TSEN2: variants seen among roughly 807,000 people sequenced by gnomAD.
TSEN2 encodes the protein tRNA-splicing endonuclease subunit Sen2.
In TSEN2, 54 loss-of-function variants were observed where a neutral mutation model predicts 59.2. The observed-to-expected ratio is 0.91, with a 90% CI of 0.73 to 1.14. TSEN2 has a LOEUF of 1.14. Among genes scored for constraint, TSEN2 ranks in the 50% most tolerant of loss-of-function variants. The probability of loss-of-function intolerance (pLI) is 0.00; values close to 1 mark genes in which losing one functional copy is unlikely to be tolerated. For missense variants in TSEN2, 636 were observed against 576.2 expected, an observed-to-expected ratio of 1.10 and a Z score of -1.06; for synonymous variants, 195 against 198.2, an observed-to-expected ratio of 0.98 and a Z score of 0.14.
rs2054464916 is a variant in TSEN2, at chr3:12,503,085, GAAAGA to G, written c.309-168_309-164del. Among the ~76,000 whole-genome samples, 2 of 151,296 alleles carry G rather than the reference GAAAGA, an allele frequency of 1.3e-5. 1 individual carries two copies. Among genetic ancestry groups the G allele is most frequent in the South Asian group, 4.1e-4 (2 of 4,820 alleles). ...ACTCCATCTCAAAAAAATAAAAAAAGAAAGAAAAGAAAATGCAGAAAAGTATAAAG... is the reference window on the plus strand; with the variant it reads ...ACTCCATCTCAAAAAAATAAAAAAAGAAAGAAAATGCAGAAAAGTATAAAG... On this transcript the variant is annotated intron_variant, in intron 4 of 11. Transcript: ENST00000284995.
chr3:12,483,718 T>C (rs2052311259), upstream of TSEN2, among the ~76,000 whole-genome samples: 2 of 152,232 alleles, frequency 1.3e-5, no homozygotes, highest in South Asian at 4.1e-4. Context: ...TTAGTCTGTG[T>C]GGTGGAACTC....
At chr3:12,498,597 A>G (rs186181414) in intron 4 of TSEN2, among the ~76,000 whole-genome samples, 1 of 152,334 alleles carries the variant, frequency 6.6e-6, no homozygotes, top group East Asian at 1.9e-4. Context: ...TTGAATTTAC[A>G]TTAACATAAC....
intron 9 of TSEN2, among the ~76,000 whole-genome samples, chr3:12,529,453 G>A (rs182378841): frequency 4.5e-5 from 6 of 133,028 alleles, no homozygotes; most frequent in South Asian, 2.2e-4. Flanking sequence ...GTGATAGAGC[G>A]AGACTCCGTC....
chr3:12,527,455 T>TC (rs2057175203), intron 8 of TSEN2, among the ~76,000 whole-genome samples: 1 of 150,922 alleles, frequency 6.6e-6, no homozygotes, highest in East Asian at 1.9e-4. Flanking sequence ...TTTTTTTTTT[T>TC]CTTTTTTTTT....
chr3:12,489,978 C>T lies in TSEN2; in HGVS notation c.178C>T (p.Leu60Phe), dbSNP rs201262790. The T allele has an allele frequency of 9.9e-6, 16 of 1,614,008 alleles. No homozygotes were observed. Among genetic ancestry groups the T allele is most frequent in the Non-Finnish European group, 1.2e-5 (14 of 1,180,008 alleles). ...GAGGAATGCGGAGGACATTGAGCAG[C>T]TCTATGGGAAAGTAAGTGCAGGCAG... Reference protein sequence around the residue: ...IVRNAEDIEQLYGKGYFGKGI... With the variant: ...IVRNAEDIEQFYGKGYFGKGI... The change falls in exon 2 of 12, where the codon CTC becomes TTC. Residue 60 changes from leucine to phenylalanine, a missense_variant. Coordinates refer to ENST00000284995, the MANE Select transcript of TSEN2 (RefSeq NM_025265.4).
intron 8 of TSEN2, among the ~76,000 whole-genome samples, chr3:12,521,541 C>A (rs1175542503): frequency 6.6e-6 from 1 of 151,898 alleles, no homozygotes; most frequent in Non-Finnish European, 1.5e-5. Flanking sequence ...GTGGTGAAAC[C>A]CTGTGTCTAG....
At chr3:12,498,333 A>G (rs1274669336) in intron 4 of TSEN2, among the ~76,000 whole-genome samples, 1 of 152,190 alleles carries the variant, frequency 6.6e-6, no homozygotes, top group African/African-American at 2.4e-5. Context: ...TGAAAGCGAT[A>G]AACTATTCAC....
intron 6 of TSEN2, among the ~76,000 whole-genome samples, chr3:12,509,919 A>G (rs2055253360): frequency 6.6e-6 from 1 of 152,168 alleles, no homozygotes; most frequent in South Asian, 2.1e-4. Flanking sequence ...ATATAATTGG[A>G]AGGCTGCTTG....
intron 2 of TSEN2, among the ~76,000 whole-genome samples, chr3:12,490,731 C>T (rs962091486): frequency 2.6e-5 from 4 of 152,138 alleles, no homozygotes; most frequent in African/African-American, 9.7e-5. Context: ...CACAGAGTTC[C>T]CTTGTGCCCA....
At chr3:12,486,456 A>G (rs192442743) in intron 1 of TSEN2, among the ~76,000 whole-genome samples, 13 of 152,160 alleles carry the variant, frequency 8.5e-5, no homozygotes, top group South Asian at 2.1e-4. Flanking sequence ...GTTTCTTTCT[A>G]TCTTTTCTAG....
At chr3:12,518,301 T>C (rs1196260601) in intron 7 of TSEN2, among the ~76,000 whole-genome samples, 1 of 152,252 alleles carries the variant, frequency 6.6e-6, no homozygotes, top group Admixed American at 6.5e-5. Context: ...AAAAGTGTTT[T>C]TTGTTCTTCT....
At chr3:12,504,240 T>C (rs2054589023) in intron 5 of TSEN2, among the ~76,000 whole-genome samples, 1 of 152,156 alleles carries the variant, frequency 6.6e-6, no homozygotes, top group African/African-American at 2.4e-5. Flanking sequence ...GAGATACCCA[T>C]TCAAAGAAAT....
intron 6 of TSEN2, among the ~76,000 whole-genome samples, chr3:12,509,573 T>A (rs2055213199): frequency 6.6e-6 from 1 of 152,168 alleles, no homozygotes; most frequent in African/African-American, 2.4e-5. Flanking sequence ...GTGTTTAATT[T>A]TACTGTGTGT....
chr3:12,484,934 GT>G (rs1559261305), intron 1 of TSEN2, 54 bp downstream of exon 1: 1 of 152,256 alleles, frequency 6.6e-6, no homozygotes, highest in East Asian at 1.9e-4. Context: ...GGGGTGCGCA[GT>G]TTATTTTATT....
intron 8 of TSEN2, among the ~76,000 whole-genome samples, chr3:12,523,827 G>A (rs961308106): frequency 2.0e-5 from 3 of 151,366 alleles, no homozygotes; most frequent in Middle Eastern, 3.2e-3. Flanking sequence ...GGCGTGAGCC[G>A]TGGCATCCGG....
Position 12,503,258 on chromosome 3 carries a change from G to T in TSEN2, c.309-4G>T. On this transcript the variant is annotated splice_region_variant and splice_polypyrimidine_tract_variant and intron_variant, in intron 4 of 11. Coordinates refer to ENST00000284995, the MANE Select transcript of TSEN2 (RefSeq NM_025265.4). ...CTGTTTCTAACAGTATTTCTGTCTT[G>T]CAGGTATCAGCATAGTGTTGAGTGG... 2 of 1,614,060 alleles carry T rather than the reference G, an allele frequency of 1.2e-6. No individual in the cohort carries two copies. The highest frequency in any genetic ancestry group is 1.7e-6 in the Non-Finnish European group (2 of 1,180,022).
chr3:12,482,912 T>C (rs1035569890), upstream of TSEN2, among the ~76,000 whole-genome samples: 28 of 152,234 alleles, frequency 1.8e-4, no homozygotes, highest in Non-Finnish European at 3.8e-4. Context: ...CCTGTGACTC[T>C]TGCCAATTTT....
intron 1 of TSEN2, among the ~76,000 whole-genome samples, chr3:12,486,624 G>A (rs2052640797): frequency 1.3e-5 from 2 of 152,160 alleles, no homozygotes; most frequent in Non-Finnish European, 2.9e-5. Flanking sequence ...CGTATTCGCG[G>A]AGTTATGTAA....
rs368109859 is a variant in TSEN2, at chr3:12,516,426, AAAAC to A, written c.910-173_910-170del. 2.5e-3 allele frequency among the ~76,000 whole-genome samples: 313 copies of A among 126,570 alleles called. 1 individual carries two copies. Among genetic ancestry groups the A allele is most frequent in the Middle Eastern group, 0.02 (5 of 252 alleles). The allele number at this position is 126,570 out of a possible 152,430, so 83.0% of individuals were successfully genotyped here. ...GACGACAGAGTGAGACTCCGTTTCA[AAAAC>A]AAACAAACAAAATATATGTGTGTGT... On this transcript the variant is annotated intron_variant, in intron 6 of 11. Transcript: ENST00000284995.
Sources: gnomAD v4.1 joint callset for allele counts (sites outside exome capture counted in the v4.1 genomes callset) on GRCh38, gnomAD v4.1.1 for gene constraint, MANE v1.5 for transcripts, NCBI Gene and HGNC (gene_info 2026-07-23, HGNC 2026-07-21) for gene names.